The following F13A1 variants were observed in gnomAD, a reference collection of about 807,000 sequenced individuals.
The protein encoded by F13A1 is FSF, A subunit.
A neutral mutation model predicts 80.1 loss-of-function variants in F13A1; 47 were observed. The observed-to-expected ratio is 0.59, with a 90% CI of 0.46 to 0.75. The LOEUF (loss-of-function observed/expected upper bound fraction) is 0.75. F13A1 is among the 30% of genes least tolerant of loss of function. F13A1 has a pLI of 0.00. For synonymous variants in F13A1, 349 were observed against 344.9 expected (o/e 1.01, Z -0.13); for missense variants, 817 against 930.4 (o/e 0.88, Z 1.59).
At chr6:6,294,794 G>A (rs1459863019) in intron 3 of F13A1, among the ~76,000 whole-genome samples, 1 of 150,676 alleles carries the variant, frequency 6.6e-6, no homozygotes, top group Non-Finnish European at 1.5e-5. Flanking sequence ...TGCACAATGT[G>A]CAGGTTAGTT....
intron 14 of F13A1, among the ~76,000 whole-genome samples, chr6:6,150,539 C>CT (rs1220011467): frequency 6.6e-6 from 1 of 152,142 alleles, no homozygotes; most frequent in Non-Finnish European, 1.5e-5. Context: ...GCGGAGAGCC[C>CT]TTTATGGGCA....
Position 6,266,739 on chromosome 6 carries a change from C to G in F13A1, c.390G>C (p.Lys130Asn). Residue 130 changes from lysine to asparagine, a missense_variant, in exon 4 of 15, where the codon AAG (lysine) becomes AAC (asparagine). By Grantham distance (94) the Lys-to-Asn change is moderately conservative. Coordinates refer to ENST00000264870, the MANE Select transcript of F13A1 (RefSeq NM_000129.4). ...VPIVSELQSG[K>N]WGAKIVMRED... ...CTCTCATGACAATCTTGGCCCCCCACTTTCCACTTTGTAACTCTGAGACTA... is the reference window on the plus strand; with the variant it reads ...CTCTCATGACAATCTTGGCCCCCCAGTTTCCACTTTGTAACTCTGAGACTA... 3 of 1,614,194 alleles carry G rather than the reference C, an allele frequency of 1.9e-6. No individual in the cohort carries two copies. Among genetic ancestry groups the G allele is most frequent in the Non-Finnish European group, 8.5e-7 (1 of 1,180,038 alleles).
In F13A1 at chr6:6,250,291, C is replaced by T. The variant is rs1413286654; in HGVS notation, c.690+520G>A. On this transcript the variant is annotated intron_variant, in intron 5 of 14. Transcript: ENST00000264870. This position sits in a 1 kb window ranked among gnomAD's most constrained non-coding sequence, Gnocchi z 4.2. The stretch of plus-strand genomic sequence containing the variant: ...CATCTTAAAGAAATGCCATTTGCTA[C>T]TTTGTGTCTAGACAATCAACTTGCA... Among the ~76,000 whole-genome samples the T allele has an allele frequency of 6.6e-6, 1 of 151,990 alleles. No homozygotes were observed. Among genetic ancestry groups the T allele is most frequent in the African/African-American group, 2.4e-5 (1 of 41,392 alleles).
At chr6:6,223,556 T>C (rs773708884) in intron 7 of F13A1, among the ~76,000 whole-genome samples, 7 of 152,212 alleles carry the variant, frequency 4.6e-5, no homozygotes, top group Admixed American at 1.3e-4. Flanking sequence ...TAGGGGACTA[T>C]ACTTTTGATT....
rs1583106141 is a variant in F13A1 at position 6,275,574 on chromosome 6, A to G, written c.320-8765T>C. 2.0e-5 allele frequency among the ~76,000 whole-genome samples: 3 copies of G among 152,126 alleles called. No individual in the cohort carries two copies. The East Asian group carries it at 5.8e-4, about 29-fold the overall frequency. On this transcript the variant is annotated intron_variant, in intron 3 of 14. Coordinates refer to ENST00000264870, the MANE Select transcript of F13A1 (RefSeq NM_000129.4). ...AGTAGATAGGGAATTTTGCCATGTT[A>G]GCCAGGCTGGTCTTGAACTCCTGAC... is the stretch of plus-strand genomic sequence containing the variant.
intron 6 of F13A1, 101 bp from the exon 7 acceptor site, chr6:6,224,961 T>C (rs1757255007): frequency 1.6e-6 from 2 of 1,240,482 alleles, no homozygotes; most frequent in South Asian, 1.2e-5. Flanking sequence ...GCCTTCTATA[T>C]GTTGTGCCCA....
chr6:6,277,726 C>T (rs988748029), intron 3 of F13A1, among the ~76,000 whole-genome samples: 3 of 152,210 alleles, frequency 2.0e-5, no homozygotes, highest in Admixed American at 2.0e-4. Context: ...GCATTCCTGT[C>T]CCTGCTTCAC....
intron 3 of F13A1, among the ~76,000 whole-genome samples, chr6:6,278,023 C>T (rs1278378013): frequency 1.3e-5 from 2 of 152,162 alleles, no homozygotes; most frequent in Non-Finnish European, 2.9e-5. Context: ...AGGCTGTAAC[C>T]TTTTATAAGA....
intron 11 of F13A1, among the ~76,000 whole-genome samples, chr6:6,181,618 GTTATT>G: frequency 6.6e-6 from 1 of 152,258 alleles, no homozygotes; most frequent in South Asian, 2.1e-4. Context: ...ATGTGAAGTA[GTTATT>G]TTAATTTCTA....
chr6:6,161,236 A>C (rs1462233952), intron 13 of F13A1, among the ~76,000 whole-genome samples: 1 of 152,038 alleles, frequency 6.6e-6, no homozygotes. Context: ...GAGATTCAAG[A>C]GATTCCATGC....
At position 6,256,516 on chromosome 6, in the gene F13A1, C is replaced by G. The variant is rs568362242; in HGVS notation, c.572-5587G>C. On this transcript the variant is annotated intron_variant, in intron 4 of 14. Coordinates refer to ENST00000264870, the MANE Select transcript of F13A1 (RefSeq NM_000129.4). Reference sequence around the variant, plus strand: ...TTCAAAATGCCTCGTAAATAACCACCCTTGCAGGCTGACTAACAATTTACA... The same window carrying G: ...TTCAAAATGCCTCGTAAATAACCACGCTTGCAGGCTGACTAACAATTTACA... 3.9e-5 allele frequency among the ~76,000 whole-genome samples: 6 copies of G among 152,216 alleles called. No individual in the cohort carries two copies. The South Asian group carries it at 1.0e-3, about 26-fold the overall frequency.
chr6:6,312,066 C>T (rs969142975), intron 2 of F13A1, among the ~76,000 whole-genome samples: 7 of 149,006 alleles, frequency 4.7e-5, no homozygotes, highest in East Asian at 1.9e-4. Context: ...TAAAGTTATA[C>T]GTATAAAACA....
chr6:6,152,030 CT>C, intron 13 of F13A1, 81 bp from the exon 14 acceptor site: 1 of 1,551,630 alleles, frequency 6.4e-7, no homozygotes, highest in Non-Finnish European at 8.8e-7. Flanking sequence ...ATCACTTTTA[CT>C]AGAGTTTTAT....
At chr6:6,256,427 A>G (rs923500509) in intron 4 of F13A1, among the ~76,000 whole-genome samples, 3 of 152,180 alleles carry the variant, frequency 2.0e-5, no homozygotes, top group African/African-American at 7.2e-5. Context: ...ACATGGCACC[A>G]TTGGTGAGTG....
intron 8 of F13A1, among the ~76,000 whole-genome samples, 181 bp downstream of exon 8, chr6:6,221,852 G>T (rs1374657255): frequency 6.6e-6 from 1 of 152,196 alleles, no homozygotes; most frequent in Non-Finnish European, 1.5e-5. Flanking sequence ...AACCCAAACT[G>T]TCTCTTCAGT....
chr6:6,230,957 C>T (rs1757343218), intron 6 of F13A1, among the ~76,000 whole-genome samples: 1 of 152,220 alleles, frequency 6.6e-6, no homozygotes, highest in Non-Finnish European at 1.5e-5. Flanking sequence ...CAGCCCTAGA[C>T]CTTCCCTCTG....
intron 6 of F13A1, among the ~76,000 whole-genome samples, chr6:6,232,118 G>A (rs967584086): frequency 1.3e-5 from 2 of 152,206 alleles, no homozygotes; most frequent in African/African-American, 4.8e-5. Flanking sequence ...AACATTGAAT[G>A]TAAATGGCCT....
At chr6:6,155,297 A>C (rs962693279) in intron 13 of F13A1, among the ~76,000 whole-genome samples, 2 of 152,224 alleles carry the variant, frequency 1.3e-5, no homozygotes, top group Admixed American at 1.3e-4. Flanking sequence ...GATAGGCTTC[A>C]GATCTGAATA....
intron 11 of F13A1, among the ~76,000 whole-genome samples, chr6:6,175,113 G>A (rs1343672938): frequency 1.3e-5 from 2 of 152,180 alleles, no homozygotes; most frequent in African/African-American, 4.8e-5. Context: ...TATCCAGAAA[G>A]GGGTTTCTCC....
Sources: gnomAD v4.1 joint callset for allele counts (sites outside exome capture counted in the v4.1 genomes callset) on GRCh38, gnomAD v4.1.1 for gene constraint, Gnocchi (gnomAD v3.1) non-coding constraint, MANE v1.5 for transcripts, NCBI Gene and HGNC (gene_info 2026-07-23, HGNC 2026-07-21) for gene names.